RBFOX1: variants seen among roughly 807,000 people sequenced by gnomAD.
The protein encoded by RBFOX1 is RNA binding protein fox-1 homolog 1.
In RBFOX1, 8 loss-of-function variants were observed where a neutral mutation model predicts 57.7. That is an observed-to-expected ratio of 0.14 (90% CI 0.08 to 0.25). The LOEUF (loss-of-function observed/expected upper bound fraction) is 0.25, where lower values mean the gene tolerates loss of function less well. Among genes scored for constraint, RBFOX1 ranks in the 10% least tolerant of loss-of-function variants. The pLI is 1.00. For missense variants in RBFOX1, 611 were observed against 548.5 expected (o/e 1.11, Z -1.14); for synonymous variants, 326 against 222.4 (o/e 1.47, Z -4.15).
chr16:5,374,218 G>A (rs1024482254), intron 1 of RBFOX1, among the ~76,000 whole-genome samples: 5 of 152,348 alleles, frequency 3.3e-5, no homozygotes, highest in South Asian at 4.1e-4. Context: ...AATTACAGGC[G>A]TGAGCCATTG....
chr16:6,954,278 TC>T (rs2081324722), intron 3 of RBFOX1, among the ~76,000 whole-genome samples: 1 of 152,186 alleles, frequency 6.6e-6, no homozygotes, highest in Non-Finnish European at 1.5e-5. Context: ...ATTCTGGTCA[TC>T]TCGCCAATTT....
intron 1 of RBFOX1, among the ~76,000 whole-genome samples, chr16:5,286,067 G>C (rs1490970156): frequency 6.6e-6 from 1 of 152,168 alleles, no homozygotes; most frequent in African/African-American, 2.4e-5. Flanking sequence ...ACCACACCTG[G>C]CCAGACTGCA....
chr16:5,309,206 C>T (rs2151216814), intron 1 of RBFOX1, among the ~76,000 whole-genome samples: 1 of 152,266 alleles, frequency 6.6e-6, no homozygotes, highest in Non-Finnish European at 1.5e-5. Flanking sequence ...AATGGTTTTG[C>T]TTTTGGAACG....
intron 4 of RBFOX1, among the ~76,000 whole-genome samples, chr16:6,003,295 A>C (rs2152331269): frequency 6.6e-6 from 1 of 151,756 alleles, no homozygotes; most frequent in East Asian, 1.9e-4. Context: ...AAAAAAAAAA[A>C]AAAGCAATGA....
At chr16:7,313,821 G>C (rs577003428) in intron 4 of RBFOX1, among the ~76,000 whole-genome samples, 7 of 152,174 alleles carry the variant, frequency 4.6e-5, no homozygotes, top group African/African-American at 1.7e-4. Context: ...CCCCAGAACC[G>C]ACACTTAGAA....
intron 3 of RBFOX1, among the ~76,000 whole-genome samples, chr16:5,619,238 G>A (rs758452): frequency 0.96 from 145,650 of 152,230 alleles, 69,722 homozygotes; most frequent in East Asian, 1. Context: ...AGTGTGTAGG[G>A]TGCTGACAGA....
chr16:6,432,414 G>C (rs892512828), intron 2 of RBFOX1, among the ~76,000 whole-genome samples: 19 of 152,004 alleles, frequency 1.2e-4, no homozygotes, highest in Admixed American at 3.9e-4. Context: ...GCTCATGCCT[G>C]TAATACCAGC....
intron 2 of RBFOX1, among the ~76,000 whole-genome samples, chr16:5,545,810 C>T (rs963024871): frequency 7.9e-5 from 12 of 152,066 alleles, no homozygotes; most frequent in African/African-American, 2.9e-4. Flanking sequence ...ACTTTTTTCA[C>T]ACTGTAGTGG....
At chr16:6,135,676 A>G (rs1435647313) in intron 1 of RBFOX1, among the ~76,000 whole-genome samples, 1 of 152,146 alleles carries the variant, frequency 6.6e-6, no homozygotes, top group Non-Finnish European at 1.5e-5. Flanking sequence ...TAGTTAATGG[A>G]ACAATGACTA....
chr16:7,173,723 A>G (rs2081148735), intron 4 of RBFOX1, among the ~76,000 whole-genome samples: 1 of 152,198 alleles, frequency 6.6e-6, no homozygotes, highest in African/African-American at 2.4e-5. Context: ...ATCATCTGTA[A>G]AGAAACTAAT....
At chr16:7,278,486 C>T (rs555348024) in intron 4 of RBFOX1, among the ~76,000 whole-genome samples, 2 of 152,306 alleles carry the variant, frequency 1.3e-5, no homozygotes, top group Non-Finnish European at 2.9e-5. Flanking sequence ...TCATACAGAT[C>T]TGTCCAATAT....
At chr16:6,134,689 T>A (rs1431147953) in intron 1 of RBFOX1, among the ~76,000 whole-genome samples, 1 of 151,626 alleles carries the variant, frequency 6.6e-6, no homozygotes, top group East Asian at 1.9e-4. Flanking sequence ...GAGTATTTTT[T>A]TTTTTTGAAA....
At chr16:7,529,553 A>G (rs1232084379) in intron 5 of RBFOX1, among the ~76,000 whole-genome samples, 1 of 152,164 alleles carries the variant, frequency 6.6e-6, no homozygotes, top group Non-Finnish European at 1.5e-5. Flanking sequence ...TTTCATTGAC[A>G]TATTTCCACT....
intron 14 of RBFOX1, among the ~76,000 whole-genome samples, chr16:7,690,257 G>T (rs1340744687): frequency 2.0e-5 from 3 of 152,112 alleles, no homozygotes; most frequent in Admixed American, 6.6e-5. Flanking sequence ...CTAAGGAGCA[G>T]CCAAGGTGAG....
chr16:7,205,015 T>C (rs1273071326), intron 4 of RBFOX1, among the ~76,000 whole-genome samples: 1 of 152,200 alleles, frequency 6.6e-6, no homozygotes, highest in Non-Finnish European at 1.5e-5. Context: ...CTTTTCCATG[T>C]GTAACAAGGG....
intron 2 of RBFOX1, among the ~76,000 whole-genome samples, chr16:6,644,640 C>A (rs774450440): frequency 6.6e-6 from 1 of 152,166 alleles, no homozygotes; most frequent in East Asian, 1.9e-4. Flanking sequence ...CTTCTCATGA[C>A]AAGTCTAAGC....
At chr16:7,045,364 C>A (rs2047553642) in intron 3 of RBFOX1, among the ~76,000 whole-genome samples, 1 of 152,108 alleles carries the variant, frequency 6.6e-6, no homozygotes, top group South Asian at 2.1e-4. Context: ...ACAACAAAAA[C>A]AAACATGTCT....
rs570341506 is a variant in RBFOX1, at chr16:6,208,423, T to C, written c.-126-108572T>C. On this transcript the variant is annotated intron_variant, in intron 1 of 15. Transcript: ENST00000550418. ...TTTATTCATTCAGCAAGCATGTGCT[T>C]AGTGTAAGGTGTGTCTGAAGTTGAG... 5.0e-3 allele frequency among the ~76,000 whole-genome samples: 37 copies of C among 7,394 alleles called. No individual in the cohort carries two copies. The East Asian group carries it at 0.42, about 84-fold the overall frequency. 4.9% of individuals were successfully genotyped at this position (7,394 alleles called of 152,430 possible).
At chr16:6,342,296 A>G (rs1440373216) in intron 2 of RBFOX1, among the ~76,000 whole-genome samples, 1 of 152,212 alleles carries the variant, frequency 6.6e-6, no homozygotes, top group Non-Finnish European at 1.5e-5. Context: ...ACGAAGATGG[A>G]CATGTGGAAA....
Sources: gnomAD v4.1 joint callset for allele counts (sites outside exome capture counted in the v4.1 genomes callset) on GRCh38, gnomAD v4.1.1 for gene constraint, MANE v1.5 for transcripts, NCBI Gene and HGNC (gene_info 2026-07-23, HGNC 2026-07-21) for gene names.